The following PHEX variants were observed in gnomAD, a reference collection of about 807,000 sequenced individuals.
PHEX encodes the protein phosphate regulating endopeptidase X-linked.
A neutral mutation model predicts 68.0 loss-of-function variants in PHEX; 16 were observed. The observed-to-expected ratio is 0.24, with a 90% CI of 0.16 to 0.36. The LOEUF (loss-of-function observed/expected upper bound fraction) is 0.36, where lower values mean the gene tolerates loss of function less well. PHEX is among the 10% of genes least tolerant of loss of function. The pLI is 1.00. For synonymous variants in PHEX, 208 were observed against 205.1 expected (o/e 1.01, Z -0.12); for missense variants, 480 against 575.5 (o/e 0.83, Z 1.70).
chrX:22,113,003 TTTTGTGTGTGTGTGTGTGTG>T (rs1320294978), intron 10 of PHEX, among the ~76,000 whole-genome samples: 1 of 86,150 alleles, frequency 1.2e-5, no homozygotes, highest in African/African-American at 4.4e-5. Flanking sequence ...AACAAGTAGG[TTTTGTGTGTGTGTGTGTGTG>T]TGTGTGTGTG....
chrX:22,206,952 C>T (rs190596220), intron 15 of PHEX, among the ~76,000 whole-genome samples: 1 of 111,994 alleles, frequency 8.9e-6, no homozygotes, highest in East Asian at 2.8e-4. Flanking sequence ...TAGCTACCGT[C>T]AGGGTATGAT....
At chrX:22,076,028 G>C (rs1158369776) in intron 3 of PHEX, among the ~76,000 whole-genome samples, 1 of 112,206 alleles carries the variant, frequency 8.9e-6, no homozygotes, top group Non-Finnish European at 1.9e-5. Context: ...CTTGGTCCAG[G>C]AACAAGGGAC....
At chrX:22,201,984 AT>A (rs3216806) in intron 15 of PHEX, among the ~76,000 whole-genome samples, 34,236 of 110,711 alleles carry the variant, frequency 0.31, 6,685 homozygotes, top group African/African-American at 0.72. Flanking sequence ...TTTTACCCTT[AT>A]TTACAAAAGG....
intron 1 of PHEX, among the ~76,000 whole-genome samples, chrX:22,036,823 C>T (rs1371496600): frequency 9.2e-6 from 1 of 108,299 alleles, no homozygotes; most frequent in Non-Finnish European, 1.9e-5. Context: ...ATGGGCCAGG[C>T]GCAGTGGCTC....
At chrX:22,118,957 C>T (rs1004646239) in intron 11 of PHEX, among the ~76,000 whole-genome samples, 7 of 112,503 alleles carry the variant, frequency 6.2e-5, no homozygotes, top group Non-Finnish European at 1.1e-4. Flanking sequence ...AATCCCTTGC[C>T]TCCCAGTTAG....
intron 11 of PHEX, among the ~76,000 whole-genome samples, chrX:22,118,887 A>G (rs1569399593): frequency 8.9e-6 from 1 of 112,320 alleles, no homozygotes; most frequent in African/African-American, 3.2e-5. Context: ...AATGAGAAGA[A>G]TAGCATGTAG....
chrX:22,049,849 A>G (rs1209526462), intron 3 of PHEX, among the ~76,000 whole-genome samples: 1 of 110,568 alleles, frequency 9.0e-6, no homozygotes, highest in African/African-American at 3.3e-5. Flanking sequence ...GGCAACAAGA[A>G]TGAAACTCTG....
chrX:22,089,831 C>G (rs1454137943), intron 5 of PHEX, among the ~76,000 whole-genome samples: 2 of 112,169 alleles, frequency 1.8e-5, no homozygotes, highest in Non-Finnish European at 3.8e-5. Flanking sequence ...TATCCTAAAC[C>G]TTCCAGAGAG....
intron 18 of PHEX, among the ~76,000 whole-genome samples, chrX:22,223,343 G>C (rs1935331193): frequency 9.0e-6 from 1 of 111,210 alleles, no homozygotes; most frequent in African/African-American, 3.3e-5. Context: ...CGTAGCTGTT[G>C]AGTCTTGGGA....
intron 20 of PHEX, among the ~76,000 whole-genome samples, chrX:22,232,521 A>AAT (rs756675514): frequency 9.5e-6 from 1 of 104,834 alleles, no homozygotes; most frequent in South Asian, 4.4e-4. Context: ...ACGATTATGT[A>AAT]ATGCTCTTCT....
At chrX:22,189,945 C>A (rs1934146071) in intron 14 of PHEX, among the ~76,000 whole-genome samples, 3 of 112,215 alleles carry the variant, frequency 2.7e-5, no homozygotes, top group African/African-American at 9.7e-5. Context: ...AGCAGGCAGA[C>A]CCTCTGGGTG....
At chrX:22,209,698 C>G (rs1355851866) in intron 15 of PHEX, among the ~76,000 whole-genome samples, 1 of 102,097 alleles carries the variant, frequency 9.8e-6, no homozygotes, top group Non-Finnish European at 2.0e-5. Flanking sequence ...CCTCTCCTCC[C>G]TCTCCCTCTC....
chrX:22,226,357 G>A, intron 18 of PHEX, 86 bp from the exon 19 acceptor site: 1 of 636,207 alleles, frequency 1.6e-6, no homozygotes, highest in Non-Finnish European at 2.6e-6. Flanking sequence ...TACTTTTCTT[G>A]CTATAATATT....
intron 15 of PHEX, among the ~76,000 whole-genome samples, chrX:22,193,232 G>A (rs1341570576): frequency 1.8e-5 from 2 of 110,982 alleles, no homozygotes; most frequent in African/African-American, 6.5e-5. Flanking sequence ...AATAGAAATT[G>A]TTTAGATTAT....
intron 1 of PHEX, 121 bp downstream of exon 1, chrX:22,033,244 T>TC: frequency 1.9e-6 from 1 of 537,536 alleles, no homozygotes; most frequent in Non-Finnish European, 3.4e-6. Flanking sequence ...TCATAGGTGG[T>TC]GTATCTTTAG....
At chrX:22,064,303 C>T (rs1215681214) in intron 3 of PHEX, among the ~76,000 whole-genome samples, 1 of 111,070 alleles carries the variant, frequency 9.0e-6, no homozygotes, top group Non-Finnish European at 1.9e-5. Context: ...TCTTCCCACC[C>T]TCCACCCTCA....
intron 20 of PHEX, 127 bp from the exon 21 acceptor site, chrX:22,245,206 T>A: frequency 1.7e-6 from 1 of 576,795 alleles, no homozygotes; most frequent in South Asian, 2.2e-5. Flanking sequence ...TTTTATTTGA[T>A]CTTCTAAAAC....
At chrX:22,221,571 C>T (rs2147174276) in intron 17 of PHEX, 42 bp from the exon 18 acceptor site, 1 of 1,135,804 alleles carries the variant, frequency 8.8e-7, no homozygotes, top group Non-Finnish European at 1.2e-6. Context: ...AATTTAGTTT[C>T]CATAAATAAC....
intron 9 of PHEX, among the ~76,000 whole-genome samples, chrX:22,102,544 A>G (rs1022206929): frequency 1.8e-5 from 2 of 112,724 alleles, no homozygotes; most frequent in African/African-American, 6.4e-5. Context: ...GACCTAGCAC[A>G]GTGCTTCTCA....
Sources: allele counts gnomAD v4.1 joint callset (sites outside exome capture counted in the v4.1 genomes callset), GRCh38; gene constraint gnomAD v4.1.1; transcripts MANE v1.5; gene names NCBI Gene and HGNC (gene_info 2026-07-23, HGNC 2026-07-21).